PACSIN1: variants seen among roughly 807,000 people sequenced by gnomAD.
The protein encoded by PACSIN1 is protein kinase C and casein kinase substrate in neurons protein 1.
A neutral mutation model predicts 59.5 loss-of-function variants in PACSIN1; 15 were observed. The ratio of observed to expected loss-of-function variants is 0.25; its 90% CI spans 0.17 to 0.39. The LOEUF (loss-of-function observed/expected upper bound fraction) is 0.39. Among genes scored for constraint, PACSIN1 ranks in the 10% least tolerant of loss-of-function variants. The probability of loss-of-function intolerance (pLI) is 1.00; values close to 1 mark genes in which losing one functional copy is unlikely to be tolerated. For missense variants in PACSIN1, 420 were observed against 580.2 expected, an observed-to-expected ratio of 0.72 and a Z score of 2.84; for synonymous variants, 210 against 220.6, an observed-to-expected ratio of 0.95 and a Z score of 0.42.
chr6:34,496,948 T>TC (rs1316544783), intron 1 of PACSIN1, among the ~76,000 whole-genome samples: 3 of 144,600 alleles, frequency 2.1e-5, no homozygotes, highest in East Asian at 2.0e-4. Context: ...TCTCTTTTTT[T>TC]TTTTTTTTTT....
At chr6:34,513,837 A>T (rs1290704252) in intron 1 of PACSIN1, among the ~76,000 whole-genome samples, 3 of 152,124 alleles carry the variant, frequency 2.0e-5, no homozygotes, top group South Asian at 4.1e-4. Context: ...GGGGCGGAGC[A>T]GACAGGCAAA....
chr6:34,467,908 G>C (rs550079410), intron 1 of PACSIN1, among the ~76,000 whole-genome samples: 1 of 152,172 alleles, frequency 6.6e-6, no homozygotes, highest in South Asian at 2.1e-4. Context: ...TTTGGAGATA[G>C]TGTTGCAACC....
chr6:34,526,571 A>G (rs1399497880), intron 2 of PACSIN1, among the ~76,000 whole-genome samples: 1 of 152,186 alleles, frequency 6.6e-6, no homozygotes, highest in African/African-American at 2.4e-5. Flanking sequence ...CTCTCTCCCC[A>G]CAGCTGCCCC....
chr6:34,518,983 T>C lies in PACSIN1; in HGVS notation c.-63-7260T>C, dbSNP rs1767340321. The stretch of plus-strand genomic sequence containing the variant: ...TTGGCTTGAGAGCAGGGGAGGGATG[T>C]GGGCCTTTTGGGGTGATTTTCTGGA... On this transcript the variant is annotated intron_variant, in intron 1 of 9. Transcript: ENST00000244458. This position sits in a 1 kb window ranked among gnomAD's most constrained non-coding sequence, Gnocchi z 4.4. Among the ~76,000 whole-genome samples, 2 of 152,062 alleles carry C rather than the reference T, an allele frequency of 1.3e-5. No individual in the cohort carries two copies. Among genetic ancestry groups the C allele is most frequent in the African/African-American group, 4.8e-5 (2 of 41,404 alleles).
intron 1 of PACSIN1, among the ~76,000 whole-genome samples, chr6:34,500,823 C>G (rs958521692): frequency 2.6e-5 from 4 of 152,214 alleles, no homozygotes; most frequent in Non-Finnish European, 5.9e-5. Flanking sequence ...TTAGCTAGAT[C>G]TGGATAACTT....
chr6:34,517,322 C>G (rs898901959), intron 1 of PACSIN1, among the ~76,000 whole-genome samples: 1 of 151,550 alleles, frequency 6.6e-6, no homozygotes, highest in South Asian at 2.1e-4. Flanking sequence ...CCTAGAGCTT[C>G]CCTGCCCACT....
In PACSIN1 at chr6:34,529,581, G is replaced by A. The variant is rs774710253; in HGVS notation, c.612+29G>A. 2 of 1,613,396 alleles carry A rather than the reference G, an allele frequency of 1.2e-6. No individual in the cohort carries two copies. Among genetic ancestry groups the A allele is most frequent in the Non-Finnish European group, 1.7e-6 (2 of 1,179,564 alleles). ...CTGGCGGGCAGGGATGGCAGTAGGG[G>A]GTCTGGGGGCCCCTTGCAGAGGGTG... On this transcript the variant is annotated intron_variant, in intron 5 of 9. Transcript: ENST00000244458. This position sits in a 1 kb window ranked among gnomAD's most constrained non-coding sequence, Gnocchi z 6.3.
intron 1 of PACSIN1, among the ~76,000 whole-genome samples, chr6:34,467,981 G>A (rs1306132367): frequency 6.6e-6 from 1 of 152,158 alleles, no homozygotes; most frequent in Non-Finnish European, 1.5e-5. Flanking sequence ...CCTGGCTTGA[G>A]GGAAGGCCTG....
rs1491401988 is a variant in PACSIN1 at position 34,490,225 on chromosome 6, ACT to A, written c.-64+23956_-64+23957del. 3.2e-3 allele frequency among the ~76,000 whole-genome samples: 379 copies of A among 118,232 alleles called. 2 individuals carry two copies. Among genetic ancestry groups the A allele is most frequent in the African/African-American group, 0.013 (342 of 27,208 alleles). 77.6% of individuals were successfully genotyped at this position (118,232 alleles called of 152,430 possible). Reference sequence around the variant, plus strand: ...ACCACCACACCTGGCTAATTTAAAAACTTTTTTTTTTTTTTTTTTTTTGTAGA... The same window carrying A: ...ACCACCACACCTGGCTAATTTAAAAATTTTTTTTTTTTTTTTTTTTGTAGA... On this transcript the variant is annotated intron_variant, in intron 1 of 9. Transcript: ENST00000244458.
chr6:34,524,026 A>C (rs1233095462), intron 1 of PACSIN1, among the ~76,000 whole-genome samples: 2 of 152,182 alleles, frequency 1.3e-5, no homozygotes, highest in Non-Finnish European at 1.5e-5. Flanking sequence ...CCATGGTCAC[A>C]CAGCAGGTTG....
At position 34,516,616 on chromosome 6, in the gene PACSIN1, A is replaced by C. The variant is rs1278353772; in HGVS notation, c.-63-9627A>C. On this transcript the variant is annotated intron_variant, in intron 1 of 9. Transcript: ENST00000244458. The surrounding 1 kb of genome is among the most constrained non-coding windows in gnomAD (Gnocchi z 5.4). ...CTGGAGGGCAGGTTCTTTGGGTGAG[A>C]GCTGAAGGAACGTCTGTCCACTCAG... 6.6e-6 allele frequency among the ~76,000 whole-genome samples: 1 copy of C among 151,834 alleles called. No homozygotes were observed. Among genetic ancestry groups the C allele is most frequent in the Non-Finnish European group, 1.5e-5 (1 of 67,912 alleles).
At chr6:34,503,275 A>AAAAAAAAAAAAG (rs1554169152) in intron 1 of PACSIN1, among the ~76,000 whole-genome samples, 1 of 148,320 alleles carries the variant, frequency 6.7e-6, no homozygotes, top group Non-Finnish European at 1.5e-5. Context: ...TCAAAAAAAA[A>AAAAAAAAAAAAG]AAAAAGAAAA....
rs551954046 is a variant in PACSIN1 at position 34,498,180 on chromosome 6, G to A, written c.-63-28063G>A. 5.9e-5 allele frequency among the ~76,000 whole-genome samples: 9 copies of A among 152,210 alleles called. No homozygotes were observed. In the South Asian group the frequency reaches 1.9e-3, roughly 32 times the overall value. On this transcript the variant is annotated intron_variant, in intron 1 of 9. Coordinates refer to ENST00000244458, the MANE Select transcript of PACSIN1 (RefSeq NM_020804.5). ...GGGTTCAAGTGATTTTTCTGCCTCA[G>A]CCTCCCAAGTAGCTGGGACTACAGG...
At chr6:34,489,658 C>T (rs2127251793) in intron 1 of PACSIN1, among the ~76,000 whole-genome samples, 1 of 152,288 alleles carries the variant, frequency 6.6e-6, no homozygotes, top group African/African-American at 2.4e-5. Context: ...CACTGGATGT[C>T]CTGTGGATCC....
chr6:34,500,106 T>G (rs1350273770), intron 1 of PACSIN1, among the ~76,000 whole-genome samples: 3 of 152,122 alleles, frequency 2.0e-5, no homozygotes, highest in Non-Finnish European at 4.4e-5. Flanking sequence ...GTAAAGGACT[T>G]TTCTCCAAAG....
chr6:34,469,398 G>A (rs1468240126), intron 1 of PACSIN1, among the ~76,000 whole-genome samples: 1 of 152,154 alleles, frequency 6.6e-6, no homozygotes, highest in Admixed American at 6.5e-5. Context: ...TGGACCGGAG[G>A]GGAGGTCTGG....
At position 34,495,144 on chromosome 6, in the gene PACSIN1, T is replaced by G. The variant is rs570488808; in HGVS notation, c.-64+28874T>G. ...AAATGGGCAGGATCTCAGCTAGGCA[T>G]TAGGCAAAAAGCTAGCTGAGTGCGC... On this transcript the variant is annotated intron_variant, in intron 1 of 9. Coordinates refer to ENST00000244458, the MANE Select transcript of PACSIN1 (RefSeq NM_020804.5). 7.2e-5 allele frequency among the ~76,000 whole-genome samples: 11 copies of G among 152,306 alleles called. No homozygotes were observed. The South Asian group carries it at 8.3e-4, about 11-fold the overall frequency.
chr6:34,523,407 G>A (rs1279654798), intron 1 of PACSIN1, among the ~76,000 whole-genome samples: 1 of 152,250 alleles, frequency 6.6e-6, no homozygotes, highest in African/African-American at 2.4e-5. Context: ...CTACAGTGTG[G>A]GAGTGACAGC....
intron 2 of PACSIN1, 77 bp from the exon 3 acceptor site, chr6:34,527,255 T>A (rs897188071): frequency 3.7e-6 from 5 of 1,361,462 alleles, no homozygotes; most frequent in Non-Finnish European, 4.8e-6. Flanking sequence ...ACAGTGGGCG[T>A]GGCCGTGCTG....
Sources: gnomAD v4.1 joint callset for allele counts (sites outside exome capture counted in the v4.1 genomes callset) on GRCh38, gnomAD v4.1.1 for gene constraint, Gnocchi (gnomAD v3.1) non-coding constraint, MANE v1.5 for transcripts, NCBI Gene and HGNC (gene_info 2026-07-23, HGNC 2026-07-21) for gene names.